The following ABHD12B variants were observed in gnomAD, a reference collection of about 807,000 sequenced individuals.
ABHD12B encodes protein ABHD12B.
In ABHD12B, 42 loss-of-function variants were observed where a neutral mutation model predicts 50.4. That is an observed-to-expected ratio of 0.83 (90% CI 0.65 to 1.08). The LOEUF (loss-of-function observed/expected upper bound fraction) is 1.08, where lower values mean the gene tolerates loss of function less well. Ranked by LOEUF, ABHD12B falls within the 50% of genes least tolerant of loss-of-function variation. The probability of loss-of-function intolerance (pLI) is 0.00; values close to 1 mark genes in which losing one functional copy is unlikely to be tolerated. For synonymous variants in ABHD12B, 167 were observed against 160.3 expected (o/e 1.04, Z -0.32); for missense variants, 479 against 447.7 (o/e 1.07, Z -0.63).
rs35439744 is a variant in ABHD12B, at chr14:50,884,702, CTTTTTTTTTTTTTT to C, written c.487-893_487-880del. Among the ~76,000 whole-genome samples, 7 of 126,610 alleles carry C rather than the reference CTTTTTTTTTTTTTT, an allele frequency of 5.5e-5. 1 individual carries two copies. The highest frequency in any genetic ancestry group is 2.1e-4 in the African/African-American group (7 of 33,838). The allele number at this position is 126,610 out of a possible 152,430, so 83.1% of individuals were successfully genotyped here. ...TTCTTTATCTATGATTGTATTTCTT[CTTTTTTTTTTTTTT>C]TTTTTTTTTTTTTTTTTTGAGACAG... On this transcript the variant is annotated intron_variant, in intron 5 of 12. Coordinates refer to ENST00000337334, the MANE Select transcript of ABHD12B (RefSeq NM_001206673.2).
rs146867828 is a variant in ABHD12B at position 50,888,726 on chromosome 14, G to A, written c.701-98G>A. The A allele has an allele frequency of 6.0e-4, 596 of 988,880 alleles. 8 individuals are homozygous for A. In the East Asian group the frequency reaches 0.012, roughly 21 times the overall value. 61.3% of individuals were successfully genotyped at this position (988,880 alleles called of 1,614,324 possible). On this transcript the variant is annotated intron_variant, in intron 8 of 12. Transcript: ENST00000337334. ...ACCTTCACAAATAATTTTGATGCACGTAGCTCATGTACAAGATCTTGAATA... is the reference window on the plus strand; with the variant it reads ...ACCTTCACAAATAATTTTGATGCACATAGCTCATGTACAAGATCTTGAATA...
chr14:50,885,772 GGGACTCTACA>G lies in ABHD12B; in HGVS notation c.542_551del (p.Asp181ValfsTer8). ...TGCCTTTTCTTGCTGCCAGGATTTG[GGGACTCTACA>G]GGTAAGCCCACAGAGGAGGGACTGA... On this transcript the variant is annotated frameshift_variant, in exon 7 of 13. Coordinates refer to ENST00000337334, the MANE Select transcript of ABHD12B (RefSeq NM_001206673.2). 1 of 1,614,148 alleles carries G rather than the reference GGGACTCTACA, an allele frequency of 6.2e-7. No individual in the cohort carries two copies. The highest frequency in any genetic ancestry group is 8.5e-7 in the Non-Finnish European group (1 of 1,180,024).
At chr14:50,888,948 T>C in intron 9 of ABHD12B, 45 bp downstream of exon 9, 1 of 1,520,408 alleles carries the variant, frequency 6.6e-7, no homozygotes, top group Non-Finnish European at 9.1e-7. Flanking sequence ...GTAGGCTATT[T>C]TGATACAGTG....
chr14:50,896,103 G>C (rs960398403), intron 9 of ABHD12B, among the ~76,000 whole-genome samples: 1 of 151,880 alleles, frequency 6.6e-6, no homozygotes, highest in African/African-American at 2.4e-5. Flanking sequence ...CTTGGTGACC[G>C]ATCATGCACC....
chr14:50,874,490 C>T (rs980984642), intron 1 of ABHD12B, among the ~76,000 whole-genome samples: 1 of 152,076 alleles, frequency 6.6e-6, no homozygotes, highest in African/African-American at 2.4e-5. Context: ...GTCCCAGCTA[C>T]TCCGGAGGCT....
intron 9 of ABHD12B, among the ~76,000 whole-genome samples, chr14:50,898,056 G>C (rs1195121803): frequency 6.6e-6 from 1 of 152,232 alleles, no homozygotes. Flanking sequence ...TTAGGAAACA[G>C]AGCGAGGAAC....
intron 1 of ABHD12B, among the ~76,000 whole-genome samples, chr14:50,874,591 C>A (rs2049834674): frequency 1.3e-5 from 2 of 150,594 alleles, no homozygotes; most frequent in South Asian, 4.2e-4. Flanking sequence ...CAGAGCGAGA[C>A]TCCGTCTCAA....
intron 11 of ABHD12B, among the ~76,000 whole-genome samples, 185 bp downstream of exon 11, chr14:50,903,652 G>A (rs1008333672): frequency 5.3e-5 from 8 of 152,142 alleles, no homozygotes; most frequent in African/African-American, 1.7e-4. Context: ...TTAGCTCAAA[G>A]GAGTGTTTGT....
At chr14:50,873,824 CAT>C (rs1433401531) in intron 1 of ABHD12B, among the ~76,000 whole-genome samples, 1 of 152,170 alleles carries the variant, frequency 6.6e-6, no homozygotes, top group East Asian at 1.9e-4. Flanking sequence ...ACATCATACT[CAT>C]AGAGAATAAC....
chr14:50,875,201 T>A (rs1222197617), intron 1 of ABHD12B, among the ~76,000 whole-genome samples: 1 of 151,944 alleles, frequency 6.6e-6, no homozygotes, highest in African/African-American at 2.4e-5. Flanking sequence ...AGAGGAGAGG[T>A]CACCATGGAA....
rs565930197 is a variant in ABHD12B at position 50,894,090 on chromosome 14, G to A, written c.780+5187G>A. Among the ~76,000 whole-genome samples the A allele has an allele frequency of 7.0e-4, 106 of 151,242 alleles. 2 individuals are homozygous for A. Among genetic ancestry groups the A allele is most frequent in the African/African-American group, 2.5e-3 (101 of 40,704 alleles). Reference sequence around the variant, plus strand: ...GCAAGTCCCGCTTTTCTGGGGAAGGGGCAAGTACCCCAACCCCTTCTCTCC... The same window carrying A: ...GCAAGTCCCGCTTTTCTGGGGAAGGAGCAAGTACCCCAACCCCTTCTCTCC... On this transcript the variant is annotated intron_variant, in intron 9 of 12. Coordinates refer to ENST00000337334, the MANE Select transcript of ABHD12B (RefSeq NM_001206673.2).
At chr14:50,896,522 T>A (rs955180363) in intron 9 of ABHD12B, among the ~76,000 whole-genome samples, 7 of 151,784 alleles carry the variant, frequency 4.6e-5, no homozygotes, top group South Asian at 2.1e-4. Flanking sequence ...ACTGATGACA[T>A]TCCACCATTG....
intron 9 of ABHD12B, among the ~76,000 whole-genome samples, chr14:50,894,320 C>T (rs187925750): frequency 1.3e-5 from 2 of 152,286 alleles, no homozygotes; most frequent in East Asian, 3.9e-4. Context: ...GACCTCTTAT[C>T]TCTGTGCCCT....
At chr14:50,904,236 T>C (rs758681147) in intron 12 of ABHD12B, 44 bp downstream of exon 12, 2 of 1,612,514 alleles carry the variant, frequency 1.2e-6, no homozygotes, top group African/African-American at 1.3e-5. Flanking sequence ...TCAAGGCAAT[T>C]AGGGCTGCTC....
chr14:50,881,556 A>C, intron 4 of ABHD12B, 40 bp from the exon 5 acceptor site: 2 of 1,403,670 alleles, frequency 1.4e-6, no homozygotes, highest in Non-Finnish European at 1.9e-6. Context: ...ATCGTTCCTA[A>C]TTCTTGCTTT....
chr14:50,901,054 G>A (rs564237851), intron 9 of ABHD12B, among the ~76,000 whole-genome samples: 34 of 152,324 alleles, frequency 2.2e-4, no homozygotes, highest in African/African-American at 7.9e-4. Context: ...AAGTGATAGT[G>A]GGGATGGGGA....
At chr14:50,878,663 T>C in intron 2 of ABHD12B, 82 bp from the exon 3 acceptor site, 1 of 1,121,876 alleles carries the variant, frequency 8.9e-7, no homozygotes, top group South Asian at 1.4e-5. Flanking sequence ...TGTTAACCTG[T>C]GTAGGCTAAT....
intron 9 of ABHD12B, among the ~76,000 whole-genome samples, chr14:50,898,137 A>G (rs1466618903): frequency 1.3e-5 from 2 of 152,258 alleles, no homozygotes; most frequent in East Asian, 1.9e-4. Context: ...GAGAGTTAAT[A>G]GAGGACTTCC....
intron 2 of ABHD12B, 137 bp from the exon 3 acceptor site, chr14:50,878,608 A>G (rs2049894885): frequency 7.3e-6 from 5 of 688,624 alleles, no homozygotes; most frequent in Non-Finnish European, 9.6e-6. Flanking sequence ...ATAAAATAAA[A>G]TACTCTGCTA....
Sources: gnomAD v4.1 joint callset for allele counts (sites outside exome capture counted in the v4.1 genomes callset) on GRCh38, gnomAD v4.1.1 for gene constraint, MANE v1.5 for transcripts, NCBI Gene and HGNC (gene_info 2026-07-23, HGNC 2026-07-21) for gene names.